Variants in CDKAL1 observed in about 807,000 individuals in gnomAD.
The protein encoded by CDKAL1 is CDKAL1 threonylcarbamoyladenosine tRNA methylthiotransferase.
A neutral mutation model predicts 68.2 loss-of-function variants in CDKAL1; 32 were observed. The observed-to-expected ratio is 0.47, with a 90% confidence interval of 0.35 to 0.63. The LOEUF is 0.63. Ranked by LOEUF, CDKAL1 falls within the 30% of genes least tolerant of loss-of-function variation. The pLI, the probability that CDKAL1 is intolerant of heterozygous loss-of-function variation, is 0.00. For missense variants in CDKAL1, 606 were observed against 696.7 expected (o/e 0.87, Z 1.47); for synonymous variants, 234 against 244.3 (o/e 0.96, Z 0.39).
chr6:20,962,302 A>G (rs2150739186), intron 10 of CDKAL1, among the ~76,000 whole-genome samples: 2 of 152,332 alleles, frequency 1.3e-5, no homozygotes, highest in Middle Eastern at 6.8e-3. Context: ...TTAATTACAA[A>G]TAGTGATATT....
In CDKAL1 at chr6:21,066,120, C is replaced by T. The variant is rs185306434; in HGVS notation, c.1236+892C>T. 1.4e-3 allele frequency among the ~76,000 whole-genome samples: 214 copies of T among 151,992 alleles called. 1 individual carries two copies. The highest frequency in any genetic ancestry group is 2.1e-3 in the Non-Finnish European group (143 of 67,956). On this transcript the variant is annotated intron_variant, in intron 12 of 15. Coordinates refer to ENST00000274695, the MANE Select transcript of CDKAL1 (RefSeq NM_017774.3). The stretch of plus-strand genomic sequence containing the variant: ...GCTTGTTACTGTTTTTCTGTTATAG[C>T]GTAAGTGAATATCAAACACAACATA...
chr6:20,934,182 A>G (rs890908798), intron 9 of CDKAL1, among the ~76,000 whole-genome samples: 1 of 152,188 alleles, frequency 6.6e-6, no homozygotes, highest in Non-Finnish European at 1.5e-5. Flanking sequence ...ATAGCTGGTA[A>G]GACAAGGGCA....
chr6:20,718,288 T>TG (rs1772187965), intron 5 of CDKAL1, among the ~76,000 whole-genome samples: 2 of 152,188 alleles, frequency 1.3e-5, no homozygotes, highest in African/African-American at 2.4e-5. Flanking sequence ...CAGCTTATGA[T>TG]GCATGTGAAA....
At chr6:20,893,423 C>CAATAAAGAGTA (rs1761515204) in intron 9 of CDKAL1, among the ~76,000 whole-genome samples, 1 of 152,040 alleles carries the variant, frequency 6.6e-6, no homozygotes, top group South Asian at 2.1e-4. Flanking sequence ...TCAATAATCA[C>CAATAAAGAGTA]AATAAAGAGT....
chr6:20,581,413 C>T (rs1472680472), intron 4 of CDKAL1, among the ~76,000 whole-genome samples: 1 of 152,170 alleles, frequency 6.6e-6, no homozygotes, highest in Non-Finnish European at 1.5e-5. Flanking sequence ...GTCTTTCATT[C>T]TTACAAAGTG....
intron 12 of CDKAL1, among the ~76,000 whole-genome samples, chr6:21,088,565 C>A (rs1005511121): frequency 6.6e-6 from 1 of 152,134 alleles, no homozygotes; most frequent in Non-Finnish European, 1.5e-5. Context: ...TTATTATTTC[C>A]TGTTGCTTTC....
chr6:20,999,679 A>AAG (rs1554158208), intron 10 of CDKAL1, among the ~76,000 whole-genome samples: 1 of 145,460 alleles, frequency 6.9e-6, no homozygotes, highest in Non-Finnish European at 1.5e-5. Flanking sequence ...AAAAAAAAAA[A>AAG]AAAAAAAAGA....
Position 20,737,241 on chromosome 6 carries a change from A to G in CDKAL1, c.372-2278A>G, listed in dbSNP as rs79924087. On this transcript the variant is annotated intron_variant, in intron 5 of 15. Coordinates refer to ENST00000274695, the MANE Select transcript of CDKAL1 (RefSeq NM_017774.3). ...CTTTTTCCTGTGTTTTCCTTTCTGCATATTCTTTTTGACTTCGTGGTATGT... is the reference window on the plus strand; with the variant it reads ...CTTTTTCCTGTGTTTTCCTTTCTGCGTATTCTTTTTGACTTCGTGGTATGT... Among the ~76,000 whole-genome samples, 1,174 of 152,122 alleles carry G rather than the reference A, an allele frequency of 7.7e-3. 14 individuals carry two copies. Among genetic ancestry groups the G allele is most frequent in the African/African-American group, 0.027 (1,128 of 41,496 alleles).
chr6:21,114,990 A>C (rs1582227973), intron 13 of CDKAL1, among the ~76,000 whole-genome samples: 2 of 152,200 alleles, frequency 1.3e-5, no homozygotes, highest in East Asian at 3.8e-4. Context: ...AAAATGTAAA[A>C]TATTTTCTAC....
At chr6:20,585,445 A>G (rs1765312505) in intron 4 of CDKAL1, among the ~76,000 whole-genome samples, 2 of 152,106 alleles carry the variant, frequency 1.3e-5, no homozygotes, top group Admixed American at 6.5e-5. Flanking sequence ...CTTTCTCTGT[A>G]ATAGCAAAAT....
At chr6:21,148,393 A>G (rs1315969515) in intron 13 of CDKAL1, among the ~76,000 whole-genome samples, 1 of 152,228 alleles carries the variant, frequency 6.6e-6, no homozygotes, top group African/African-American at 2.4e-5. Flanking sequence ...AGTAGAAAGT[A>G]TTAATCACCT....
At chr6:20,953,424 G>A (rs1169031258) in intron 9 of CDKAL1, among the ~76,000 whole-genome samples, 1 of 152,120 alleles carries the variant, frequency 6.6e-6, no homozygotes, top group East Asian at 1.9e-4. Context: ...AAATTATTCT[G>A]TTCATTTTAA....
chr6:20,617,466 G>A (rs1329149848), intron 4 of CDKAL1, among the ~76,000 whole-genome samples: 1 of 152,056 alleles, frequency 6.6e-6, no homozygotes, highest in Non-Finnish European at 1.5e-5. Context: ...TGTGCACAAC[G>A]TGCAGGTTTG....
At chr6:20,855,442 CAAAAAAAAAAAAAAAAAAA>C (rs145448785) in intron 9 of CDKAL1, among the ~76,000 whole-genome samples, 1 of 64,598 alleles carries the variant, frequency 1.5e-5, no homozygotes, top group African/African-American at 6.8e-5. Context: ...GACTCCGTCT[CAAAAAAAAAAAAAAAAAAA>C]AAAAAAAAAA....
At chr6:20,939,058 A>G (rs1188627007) in intron 9 of CDKAL1, among the ~76,000 whole-genome samples, 2 of 152,082 alleles carry the variant, frequency 1.3e-5, no homozygotes, top group Admixed American at 6.5e-5. Context: ...ATAAATATTC[A>G]CTAGATGCTT....
At chr6:20,925,150 T>C (rs1373282577) in intron 9 of CDKAL1, among the ~76,000 whole-genome samples, 1 of 152,200 alleles carries the variant, frequency 6.6e-6, no homozygotes, top group Non-Finnish European at 1.5e-5. Context: ...ACCATCAACA[T>C]TGGAGTCAAG....
rs529089352 is a variant in CDKAL1 at position 21,216,337 on chromosome 6, C to T, written c.1549-14511C>T. ...TATTGGCAGGCTGGGCATAGTGGCT[C>T]ACTCCTGTATTCCCAGCATTTTGGG... On this transcript the variant is annotated intron_variant, in intron 15 of 15. Coordinates refer to ENST00000274695, the MANE Select transcript of CDKAL1 (RefSeq NM_017774.3). Among the ~76,000 whole-genome samples the T allele has an allele frequency of 4.6e-5, 7 of 152,226 alleles. No homozygotes were observed. In the East Asian group the frequency reaches 5.8e-4, roughly 13 times the overall value.
intron 10 of CDKAL1, among the ~76,000 whole-genome samples, chr6:20,957,885 C>A (rs936963193): frequency 8.6e-5 from 13 of 150,410 alleles, no homozygotes; most frequent in Non-Finnish European, 5.9e-5. Flanking sequence ...GCAGGAGAAT[C>A]GCTTGAGCCC....
chr6:20,952,144 G>A (rs944441408), intron 9 of CDKAL1, among the ~76,000 whole-genome samples: 1 of 151,848 alleles, frequency 6.6e-6, no homozygotes, highest in East Asian at 1.9e-4. Context: ...ATTTTTAGTA[G>A]AGACAGGGTT....
Sources: gnomAD v4.1 joint callset for allele counts (sites outside exome capture counted in the v4.1 genomes callset) on GRCh38, gnomAD v4.1.1 for gene constraint, MANE v1.5 for transcripts, NCBI Gene and HGNC (gene_info 2026-07-23, HGNC 2026-07-21) for gene names.